The following SPATA7 variants were observed in gnomAD, a reference collection of about 807,000 sequenced individuals.
SPATA7 encodes the protein spermatogenesis associated 7.
In SPATA7, 43 loss-of-function variants were observed where a neutral mutation model predicts 51.8. The observed-to-expected ratio is 0.83, with a 90% CI of 0.65 to 1.07. The LOEUF (loss-of-function observed/expected upper bound fraction) is 1.07. Ranked by LOEUF, SPATA7 falls within the 50% of genes least tolerant of loss-of-function variation. The pLI is 0.00. For synonymous variants in SPATA7, 230 were observed against 252.8 expected, an observed-to-expected ratio of 0.91 and a Z score of 0.86; for missense variants, 683 against 701.3, an observed-to-expected ratio of 0.97 and a Z score of 0.30.
At chr14:88,434,709 GAAAA>G (rs1238055058) in intron 10 of SPATA7, among the ~76,000 whole-genome samples, 1 of 147,776 alleles carries the variant, frequency 6.8e-6, no homozygotes, top group African/African-American at 2.5e-5. Flanking sequence ...AAAAGAAAAA[GAAAA>G]AAGAAAAAAC....
At chr14:88,461,696 G>T (rs1036912948) in intron 4 of SPATA7, among the ~76,000 whole-genome samples, 2 of 151,982 alleles carry the variant, frequency 1.3e-5, no homozygotes, top group Admixed American at 1.3e-4. Flanking sequence ...GCTTACGCTC[G>T]GTGGGCTGCA....
chr14:88,389,730 G>A (rs1236945107), intron 1 of SPATA7, among the ~76,000 whole-genome samples: 1 of 152,198 alleles, frequency 6.6e-6, no homozygotes, highest in Admixed American at 6.5e-5. Flanking sequence ...TTACAGATGG[G>A]TGGGGAAGCA....
chr14:88,469,759 G>T lies in SPATA7; in HGVS notation c.255-88G>T. ...CTGTTAAAGATGAGCATGGTTAAAT[G>T]ACTCGAGATCCGGCAATGGATGCCT... On this transcript the variant is annotated intron_variant, in intron 4 of 4. Coordinates refer to the SPATA7 transcript ENST00000556406. This position sits in a 1 kb window ranked among gnomAD's most constrained non-coding sequence, Gnocchi z 4.3. The T allele has an allele frequency of 6.2e-7, 1 of 1,611,520 alleles. No individual in the cohort carries two copies. The highest frequency in any genetic ancestry group is 1.1e-5 in the South Asian group (1 of 90,934).
intron 4 of SPATA7, among the ~76,000 whole-genome samples, chr14:88,414,019 G>T (rs1322349298): frequency 2.0e-5 from 3 of 151,866 alleles, no homozygotes; most frequent in Admixed American, 2.0e-4. Flanking sequence ...TTTCGTTTTT[G>T]GTGTGTCTTT....
intron 4 of SPATA7, chr14:88,468,885 A>G (rs773997804): frequency 6.2e-7 from 1 of 1,613,220 alleles, no homozygotes; most frequent in African/African-American, 1.3e-5. Flanking sequence ...ATTTCCACCC[A>G]AAAAGGCCAG....
chr14:88,470,317 C>A, exon 5 of SPATA7: 1 of 439,392 alleles, frequency 2.3e-6, no homozygotes, highest in Non-Finnish European at 4.1e-6. Flanking sequence ...AATGTCAGTT[C>A]TCATTTATAC....
At chr14:88,449,242 C>T (rs2077234832) in intron 3 of SPATA7, among the ~76,000 whole-genome samples, 1 of 152,032 alleles carries the variant, frequency 6.6e-6, no homozygotes, top group Non-Finnish European at 1.5e-5. Context: ...TTGCTGTATT[C>T]CAGAGGTTCA....
Position 88,438,105 on chromosome 14 carries a change from A to G in SPATA7, c.1483A>G (p.Ile495Val), listed in dbSNP as rs1284148609. ...FPSPTEFFMPIYKSKHSEGVI... is the reference protein window; with the variant it reads ...FPSPTEFFMPVYKSKHSEGVI... ...TTCACCAACTGAATTTTTCATGCCT[A>G]TTTATAAATCAAAGCATTCAGAAGG... Residue 495 changes from isoleucine (I) to valine (V), a missense_variant, in exon 12 of 12, where the codon ATT (isoleucine) becomes GTT (valine). Physicochemically the swap from Ile to Val is conservative, Grantham distance 29 (BLOSUM62 3). Coordinates refer to ENST00000393545, the MANE Select transcript of SPATA7 (RefSeq NM_018418.5). The G allele has an allele frequency of 2.2e-5, 35 of 1,613,984 alleles. No individual in the cohort carries two copies. The Admixed American group carries it at 5.8e-4, about 27-fold the overall frequency.
chr14:88,425,231 A>G (rs2076755919), intron 5 of SPATA7, among the ~76,000 whole-genome samples: 1 of 152,180 alleles, frequency 6.6e-6, no homozygotes, highest in African/African-American at 2.4e-5. Context: ...CACCATACAT[A>G]TTAGTAGCAG....
At chr14:88,391,319 T>C in intron 1 of SPATA7, 62 bp from the exon 2 acceptor site, 1 of 1,281,546 alleles carries the variant, frequency 7.8e-7, no homozygotes, top group Non-Finnish European at 1.1e-6. Context: ...TTGAATATTG[T>C]TGTTTTTGTA....
rs1160643600 is a variant in SPATA7, at chr14:88,431,174, C to G, written c.1031C>G (p.Ala344Gly). Reference sequence around the variant, plus strand: ...CTACTTTAACTTCCTCTTTCTAGGGCAATGTGTCAGTATTCCCTGAAGCCC... The same window carrying G: ...CTACTTTAACTTCCTCTTTCTAGGGGAATGTGTCAGTATTCCCTGAAGCCC... ...DDALQHSSPR[A>G]MCQYSLKPPS... The change falls in exon 9 of 12, where the codon GCA becomes GGA. Residue 344 changes from alanine (A) to glycine (G), a missense_variant and splice_region_variant. Ala to Gly is a moderately conservative substitution (Grantham distance 60). Coordinates refer to ENST00000393545, the MANE Select transcript of SPATA7 (RefSeq NM_018418.5). 2 of 1,613,430 alleles carry G rather than the reference C, an allele frequency of 1.2e-6. No individual in the cohort carries two copies. Among genetic ancestry groups the G allele is most frequent in the African/African-American group, 1.3e-5 (1 of 74,900 alleles).
intron 2 of SPATA7, chr14:88,391,679 C>T: frequency 1.7e-6 from 1 of 599,100 alleles, no homozygotes. Flanking sequence ...CTGTCTCCTG[C>T]TCCCAGCTGC....
At position 88,443,859 on chromosome 14, in the gene SPATA7, A is replaced by G. The variant is rs574192543; in HGVS notation, c.177+5956A>G. ...TAGTATTGCATGGTGTGTATGTGCCACATTTTCTTAATCCAGTCTATCATT... is the reference window on the plus strand; with the variant it reads ...TAGTATTGCATGGTGTGTATGTGCCGCATTTTCTTAATCCAGTCTATCATT... On this transcript the variant is annotated intron_variant, in intron 3 of 3. Transcript: ENST00000554802. Among the ~76,000 whole-genome samples, 10 of 152,298 alleles carry G rather than the reference A, an allele frequency of 6.6e-5. No individual in the cohort carries two copies. The East Asian group carries it at 1.9e-3, about 29-fold the overall frequency.
chr14:88,467,628 A>G (rs2077385101), intron 4 of SPATA7: 1 of 151,374 alleles, frequency 6.6e-6, no homozygotes, highest in African/African-American at 2.5e-5. Context: ...AAAAAATAAC[A>G]AAAGATAATA....
chr14:88,389,800 C>T (rs962953988), intron 1 of SPATA7, among the ~76,000 whole-genome samples: 1 of 152,170 alleles, frequency 6.6e-6, no homozygotes, highest in African/African-American at 2.4e-5. Flanking sequence ...TTCATCCTTT[C>T]ACACTTCTCT....
intron 4 of SPATA7, among the ~76,000 whole-genome samples, chr14:88,409,117 A>T (rs975478238): frequency 2.0e-5 from 3 of 151,526 alleles, no homozygotes; most frequent in African/African-American, 7.3e-5. Flanking sequence ...ATGCAAAATG[A>T]GTTAGAGAGG....
chr14:88,417,444 T>C (rs55785300), intron 5 of SPATA7, among the ~76,000 whole-genome samples: 5,305 of 151,742 alleles, frequency 0.035, 301 homozygotes, highest in African/African-American at 0.12. Context: ...GTAGCTAGGA[T>C]CACAGGCACC....
intron 4 of SPATA7, among the ~76,000 whole-genome samples, chr14:88,462,997 TTAAG>T (rs2077326798): frequency 1.3e-5 from 2 of 152,166 alleles, no homozygotes; most frequent in South Asian, 4.1e-4. Context: ...TTTTTGAAAA[TTAAG>T]TATTTTTTAG....
intron 2 of SPATA7, among the ~76,000 whole-genome samples, chr14:88,392,144 G>C (rs74553422): frequency 6.6e-6 from 1 of 151,910 alleles, no homozygotes; most frequent in Non-Finnish European, 1.5e-5. Context: ...TTGTGGCTAT[G>C]TATGTATGTA....
Sources: gnomAD v4.1 joint callset for allele counts (sites outside exome capture counted in the v4.1 genomes callset) on GRCh38, gnomAD v4.1.1 for gene constraint, Gnocchi (gnomAD v3.1) non-coding constraint, MANE v1.5 for transcripts, NCBI Gene and HGNC (gene_info 2026-07-23, HGNC 2026-07-21) for gene names.